The following DNAH11 variants were observed in gnomAD, a reference collection of about 807,000 sequenced individuals.
DNAH11 encodes axonemal beta dynein heavy chain 11.
In DNAH11, 442 loss-of-function variants were observed where a neutral mutation model predicts 526.0. The ratio of observed to expected loss-of-function variants is 0.84; its 90% CI spans 0.78 to 0.91. The LOEUF is 0.91. Ranked by LOEUF, DNAH11 falls within the 40% of genes least tolerant of loss-of-function variation. The probability of loss-of-function intolerance (pLI) is 0.00; values close to 1 mark genes in which losing one functional copy is unlikely to be tolerated. For missense variants in DNAH11, 6,989 were observed against 5,448.7 expected (o/e 1.28, Z -8.90); for synonymous variants, 2,461 against 1,935.9 (o/e 1.27, Z -7.12).
intron 25 of DNAH11, among the ~76,000 whole-genome samples, chr7:21,627,148 ATTT>A (rs1318338478): frequency 6.6e-6 from 1 of 152,046 alleles, no homozygotes; most frequent in East Asian, 1.9e-4. Flanking sequence ...GGTTGTTTGA[ATTT>A]TGTATGTATT....
At chr7:21,728,296 T>C (rs1021174440) in intron 45 of DNAH11, among the ~76,000 whole-genome samples, 21 of 130,754 alleles carry the variant, frequency 1.6e-4, no homozygotes, top group Non-Finnish European at 1.4e-4. Flanking sequence ...CTTACTCTGT[T>C]GCCCAGGCTG....
At chr7:21,547,074 CAACTA>C (rs1467622718) in intron 2 of DNAH11, among the ~76,000 whole-genome samples, 2 of 152,120 alleles carry the variant, frequency 1.3e-5, no homozygotes, top group African/African-American at 4.8e-5. Context: ...CACAAACTGA[CAACTA>C]AAATAAGACA....
At chr7:21,894,547 A>C (rs1777964176) in intron 77 of DNAH11, 76 bp from the exon 78 acceptor site, 2 of 1,445,202 alleles carry the variant, frequency 1.4e-6, no homozygotes, top group African/African-American at 2.9e-5. Context: ...TAACTTCAAA[A>C]AGTAGAGGAT....
chr7:21,616,739 T>C (rs1411568216), intron 22 of DNAH11, among the ~76,000 whole-genome samples: 1 of 152,214 alleles, frequency 6.6e-6, no homozygotes, highest in Non-Finnish European at 1.5e-5. Flanking sequence ...TTCTTATTAA[T>C]GACTCTGGTA....
intron 30 of DNAH11, among the ~76,000 whole-genome samples, chr7:21,666,203 A>G (rs900554647): frequency 2.0e-5 from 3 of 152,108 alleles, no homozygotes; most frequent in Admixed American, 6.6e-5. Flanking sequence ...GTGATTGCAT[A>G]TTAGTATTGG....
intron 6 of DNAH11, among the ~76,000 whole-genome samples, chr7:21,565,106 T>C (rs12669083): frequency 0.11 from 16,357 of 152,094 alleles, 1,514 homozygotes; most frequent in East Asian, 0.29. Flanking sequence ...GTACTATGGA[T>C]TGGGTAGGTT....
intron 54 of DNAH11, among the ~76,000 whole-genome samples, chr7:21,764,036 G>C (rs1253901175): frequency 6.6e-6 from 1 of 151,998 alleles, no homozygotes; most frequent in East Asian, 1.9e-4. Context: ...GAGCTGGAGG[G>C]AGGGGAAATA....
rs3840996 is a variant in DNAH11, at chr7:21,584,948, T to TA, written c.1710+2935dup. On this transcript the variant is annotated intron_variant, in intron 9 of 81. Coordinates refer to ENST00000409508, the MANE Select transcript of DNAH11 (RefSeq NM_001277115.2). ...TTTCTTTCTTGCTTTTACAAATAAC[T>TA]AAAAAAAATGTAGAGTGAAATCTCA... is the stretch of plus-strand genomic sequence containing the variant. Among the ~76,000 whole-genome samples, 71 of 143,958 alleles carry TA rather than the reference T, an allele frequency of 4.9e-4. No homozygotes were observed. In the East Asian group the frequency reaches 5.8e-3, roughly 12 times the overall value. 94.4% of individuals were successfully genotyped at this position (143,958 alleles called of 152,430 possible).
chr7:21,840,815 G>C (rs1782177204), intron 65 of DNAH11, among the ~76,000 whole-genome samples: 1 of 152,216 alleles, frequency 6.6e-6, no homozygotes, highest in Non-Finnish European at 1.5e-5. Context: ...GGGTTAAGTA[G>C]AGATGTTGAG....
At chr7:21,763,353 A>AAAAAAAAAAAAAAG (rs66803559) in intron 54 of DNAH11, among the ~76,000 whole-genome samples, 3 of 56,958 alleles carry the variant, frequency 5.3e-5, no homozygotes, top group Admixed American at 2.3e-4. Flanking sequence ...AAAAAAAAAA[A>AAAAAAAAAAAAAAG]AAAGAAAAAA....
intron 45 of DNAH11, among the ~76,000 whole-genome samples, chr7:21,733,787 C>T (rs186529725): frequency 4.6e-5 from 7 of 152,222 alleles, no homozygotes; most frequent in Admixed American, 6.5e-5. Flanking sequence ...GAGTGCTGTA[C>T]GTAATGCAAT....
intron 25 of DNAH11, among the ~76,000 whole-genome samples, chr7:21,627,851 A>G (rs779290675): frequency 6.6e-6 from 1 of 152,222 alleles, no homozygotes; most frequent in Non-Finnish European, 1.5e-5. Flanking sequence ...CATTGAATTT[A>G]GAAATTGCTT....
intron 5 of DNAH11, 139 bp from the exon 6 acceptor site, chr7:21,564,047 T>G: frequency 1.3e-5 from 7 of 554,628 alleles, no homozygotes; most frequent in East Asian, 3.0e-5. Flanking sequence ...GATTGTAGGA[T>G]AAGTAATATA....
chr7:21,854,544 A>G (rs968243054), intron 68 of DNAH11, 89 bp downstream of exon 68: 2 of 1,299,184 alleles, frequency 1.5e-6, no homozygotes, highest in East Asian at 2.6e-5. Context: ...ATTGATAATA[A>G]TAATAACTAT....
At chr7:21,563,500 G>A (rs1783545224) in intron 5 of DNAH11, among the ~76,000 whole-genome samples, 1 of 152,042 alleles carries the variant, frequency 6.6e-6, no homozygotes, top group Admixed American at 6.6e-5. Context: ...CTGGCCCGCT[G>A]TAGCATTTAA....
intron 58 of DNAH11, among the ~76,000 whole-genome samples, chr7:21,785,727 A>G (rs1788144537): frequency 6.6e-6 from 1 of 152,226 alleles, no homozygotes; most frequent in Non-Finnish European, 1.5e-5. Flanking sequence ...AATCTTGGTT[A>G]GCCAGCTCTC....
At chr7:21,785,159 C>A (rs1183825621) in intron 58 of DNAH11, among the ~76,000 whole-genome samples, 2 of 152,186 alleles carry the variant, frequency 1.3e-5, no homozygotes, top group Non-Finnish European at 2.9e-5. Context: ...TGCCAGACCT[C>A]TGGGGAGAGC....
chr7:21,744,885 A>G lies in DNAH11; in HGVS notation c.8332A>G (p.Met2778Val), dbSNP rs555324791. The G allele has an allele frequency of 8.1e-6, 13 of 1,609,672 alleles. No homozygotes were observed. The African/African-American group carries it at 1.2e-4, about 15-fold the overall frequency. The change falls in exon 51 of 82, where the codon ATG becomes GTG. Residue 2778 changes from methionine to valine, a missense_variant. Transcript: ENST00000409508. ...CATCCTGCAGGGTATAGATAGTCAC[A>G]TGCTGCTTCAACAGCCCCTCATTTA... ...YKYFEGIDSH[M>V]LLQQPLIYCH...
intron 36 of DNAH11, among the ~76,000 whole-genome samples, chr7:21,699,620 G>T (rs1783981711): frequency 6.6e-6 from 1 of 152,022 alleles, no homozygotes; most frequent in Non-Finnish European, 1.5e-5. Context: ...TGGGTGGGTG[G>T]AATCATAATT....
Sources: gnomAD v4.1 joint callset for allele counts (sites outside exome capture counted in the v4.1 genomes callset) on GRCh38, gnomAD v4.1.1 for gene constraint, MANE v1.5 for transcripts, NCBI Gene and HGNC (gene_info 2026-07-23, HGNC 2026-07-21) for gene names.